The following CCDC141 variants were observed in gnomAD, a reference collection of about 807,000 sequenced individuals.
CCDC141 encodes the protein coiled-coil domain containing 141.
CCDC141 carries 168 observed loss-of-function variants against 181.0 expected under a neutral mutation model. That is an observed-to-expected ratio of 0.93 (90% CI 0.82 to 1.05). The LOEUF (loss-of-function observed/expected upper bound fraction) is 1.05. Ranked by LOEUF, CCDC141 falls within the 50% of genes least tolerant of loss-of-function variation. The pLI is 0.00. For synonymous variants in CCDC141, 666 were observed against 642.3 expected, an observed-to-expected ratio of 1.04 and a Z score of -0.56; for missense variants, 1,902 against 1,788.5, an observed-to-expected ratio of 1.06 and a Z score of -1.14.
chr2:179,034,908 C>A (rs2043099569), intron 2 of CCDC141, among the ~76,000 whole-genome samples: 2 of 152,076 alleles, frequency 1.3e-5, no homozygotes, highest in Non-Finnish European at 2.9e-5. Flanking sequence ...GGATTATAAC[C>A]ATTTGATTTC....
intron 2 of CCDC141, among the ~76,000 whole-genome samples, chr2:179,004,796 T>A (rs565821968): frequency 6.6e-6 from 1 of 152,306 alleles, no homozygotes; most frequent in South Asian, 2.1e-4. Context: ...AGTGGCACGA[T>A]CTTGGCTAAC....
chr2:178,974,168 T>C (rs990089206), intron 4 of CCDC141, among the ~76,000 whole-genome samples: 11 of 152,154 alleles, frequency 7.2e-5, no homozygotes, highest in African/African-American at 2.4e-4. Flanking sequence ...CTAGAGTCTT[T>C]TGAAGGGTAA....
chr2:178,872,505 C>T (rs140297952), intron 12 of CCDC141, among the ~76,000 whole-genome samples, 193 bp from the exon 13 acceptor site: 10 of 152,244 alleles, frequency 6.6e-5, no homozygotes, highest in African/African-American at 2.4e-4. Context: ...GCTTAGACAT[C>T]CGGTCCCGAG....
intron 23 of CCDC141, chr2:178,836,043 A>C (rs776185038): frequency 3.3e-5 from 5 of 152,626 alleles, no homozygotes; most frequent in Non-Finnish European, 7.4e-5. Context: ...TGATCAATAA[A>C]TGCTATTTTA....
chr2:179,035,970 T>C (rs1256835569), intron 2 of CCDC141, among the ~76,000 whole-genome samples: 1 of 152,206 alleles, frequency 6.6e-6, no homozygotes, highest in Non-Finnish European at 1.5e-5. Flanking sequence ...GTTGACAGTA[T>C]TCACTATAAC....
the CCDC141 span, among the ~76,000 whole-genome samples, chr2:178,824,397 C>T: frequency 4.6e-5 from 7 of 151,870 alleles, no homozygotes; most frequent in African/African-American, 1.2e-4. Flanking sequence ...CTGAGGCAGG[C>T]GGATCACCTG....
intron 2 of CCDC141, among the ~76,000 whole-genome samples, chr2:179,040,448 T>C (rs62175993): frequency 0.12 from 19,025 of 152,250 alleles, 1,309 homozygotes; most frequent in Middle Eastern, 0.2. Context: ...ATATGTGCTA[T>C]GGTGGTTTGC....
At chr2:179,006,611 C>T (rs1291788237) in intron 2 of CCDC141, among the ~76,000 whole-genome samples, 1 of 152,128 alleles carries the variant, frequency 6.6e-6, no homozygotes, top group African/African-American at 2.4e-5. Flanking sequence ...AGAAACTTTG[C>T]ATGTGAAATG....
chr2:178,958,669 A>T (rs1458016957), intron 5 of CCDC141, among the ~76,000 whole-genome samples: 1 of 151,160 alleles, frequency 6.6e-6, no homozygotes, highest in Non-Finnish European at 1.5e-5. Flanking sequence ...CTGGGTTAGA[A>T]TGTTCACTTT....
intron 2 of CCDC141, among the ~76,000 whole-genome samples, chr2:178,980,421 G>A (rs1038101451): frequency 3.2e-4 from 48 of 152,124 alleles, no homozygotes; most frequent in Admixed American, 8.5e-4. Flanking sequence ...CTGCACTCCA[G>A]CCTGGGCAAC....
intron 7 of CCDC141, among the ~76,000 whole-genome samples, chr2:178,914,376 TG>T (rs917884590): frequency 5.9e-5 from 9 of 152,232 alleles, no homozygotes; most frequent in African/African-American, 2.2e-4. Flanking sequence ...TTGAGTTATA[TG>T]GCTCACTCCA....
intron 5 of CCDC141, among the ~76,000 whole-genome samples, chr2:178,956,549 C>T (rs752109012): frequency 7.2e-5 from 11 of 152,098 alleles, no homozygotes; most frequent in Non-Finnish European, 1.2e-4. Flanking sequence ...GCAGTTTGCC[C>T]GCCTCACCTC....
intron 8 of CCDC141, among the ~76,000 whole-genome samples, chr2:178,892,650 A>C (rs1687211506): frequency 6.6e-6 from 1 of 152,192 alleles, no homozygotes; most frequent in East Asian, 1.9e-4. Flanking sequence ...CATGCATATT[A>C]ACAATTTCCT....
At chr2:178,941,958 C>CAAAAAA (rs66903231) in intron 6 of CCDC141, among the ~76,000 whole-genome samples, 24 of 71,490 alleles carry the variant, frequency 3.4e-4, no homozygotes, top group African/African-American at 9.4e-4. Flanking sequence ...GATCCCATCT[C>CAAAAAA]AAAAAAAAAA....
chr2:178,990,397 A>G (rs62179083), intron 2 of CCDC141, among the ~76,000 whole-genome samples: 148,135 of 152,060 alleles, frequency 0.97, 72,255 homozygotes, highest in Middle Eastern at 1. Context: ...ATTAACAGCA[A>G]CAGTATTCAC....
chr2:178,999,654 C>A (rs2041894165), intron 2 of CCDC141, among the ~76,000 whole-genome samples: 1 of 152,110 alleles, frequency 6.6e-6, no homozygotes, highest in Admixed American at 6.6e-5. Flanking sequence ...GACTCCCTAA[C>A]ACTGTTCTCT....
chr2:178,964,313 A>T lies in CCDC141; in HGVS notation c.527-2830T>A, dbSNP rs138657469. 2.5e-3 allele frequency among the ~76,000 whole-genome samples: 376 copies of T among 152,300 alleles called. 1 individual carries two copies. The highest frequency in any genetic ancestry group is 8.2e-3 in the African/African-American group (339 of 41,574). ...CACACGAGAAGTTTGGGAAGGCAACAGGGTCTCCACAGGGTTTCCTTCCTC... is the reference window on the plus strand; with the variant it reads ...CACACGAGAAGTTTGGGAAGGCAACTGGGTCTCCACAGGGTTTCCTTCCTC... On this transcript the variant is annotated intron_variant, in intron 4 of 23. Transcript: ENST00000443758.
chr2:178,899,373 G>C (rs929998254), intron 8 of CCDC141, among the ~76,000 whole-genome samples: 2 of 152,098 alleles, frequency 1.3e-5, no homozygotes, highest in Non-Finnish European at 2.9e-5. Flanking sequence ...ATGTATCACT[G>C]TACTTGTTTA....
intron 6 of CCDC141, among the ~76,000 whole-genome samples, chr2:178,925,639 T>G (rs960221773): frequency 2.0e-5 from 3 of 152,210 alleles, no homozygotes. Context: ...TTGTCCCTGT[T>G]TTTCTTAGAT....
Sources: gnomAD v4.1 joint callset for allele counts (sites outside exome capture counted in the v4.1 genomes callset) on GRCh38, gnomAD v4.1.1 for gene constraint, MANE v1.5 for transcripts, NCBI Gene and HGNC (gene_info 2026-07-23, HGNC 2026-07-21) for gene names.